FHAD1: variants seen among roughly 807,000 people sequenced by gnomAD.
The protein encoded by FHAD1 is forkhead associated phosphopeptide binding domain 1, also known as forkhead-associated domain-containing protein 1.
FHAD1 carries 146 observed loss-of-function variants against 191.3 expected under a neutral mutation model. The ratio of observed to expected loss-of-function variants is 0.76; its 90% CI spans 0.67 to 0.88. The LOEUF (loss-of-function observed/expected upper bound fraction) is 0.88. FHAD1 is among the 40% of genes least tolerant of loss of function. The pLI is 0.00. For missense variants in FHAD1, 1,635 were observed against 1,785.8 expected (o/e 0.92, Z 1.52); for synonymous variants, 616 against 672.3 (o/e 0.92, Z 1.29).
chr1:15,307,046 T>C (rs944928241), intron 6 of FHAD1, among the ~76,000 whole-genome samples: 8 of 152,026 alleles, frequency 5.3e-5, no homozygotes, highest in African/African-American at 1.9e-4. Flanking sequence ...GGGAGAGAGG[T>C]TGTACCCTGC....
chr1:15,378,268 G>A (rs1235077290), intron 28 of FHAD1, among the ~76,000 whole-genome samples: 1 of 152,110 alleles, frequency 6.6e-6, no homozygotes, highest in African/African-American at 2.4e-5. Context: ...CTGGGCGAAA[G>A]AGTGAAACTC....
intron 16 of FHAD1, among the ~76,000 whole-genome samples, chr1:15,344,050 C>A (rs1330700688): frequency 6.6e-6 from 1 of 152,174 alleles, no homozygotes; most frequent in African/African-American, 2.4e-5. Flanking sequence ...CTGAAAACCT[C>A]GGTGCACCCT....
intron 28 of FHAD1, among the ~76,000 whole-genome samples, chr1:15,380,078 G>A (rs959573743): frequency 3.9e-5 from 6 of 152,152 alleles, no homozygotes; most frequent in African/African-American, 1.4e-4. Flanking sequence ...AATAAAAGGA[G>A]GGGGGATGTT....
chr1:15,357,032 C>T (rs928606728), intron 20 of FHAD1, among the ~76,000 whole-genome samples: 3 of 152,062 alleles, frequency 2.0e-5, no homozygotes, highest in African/African-American at 7.2e-5. Context: ...AGCAGATGCC[C>T]GGCTGACCCA....
At chr1:15,246,282 C>A (rs538594026), upstream of FHAD1, among the ~76,000 whole-genome samples, 2 of 152,166 alleles carry the variant, frequency 1.3e-5, no homozygotes, top group African/African-American at 4.8e-5. Context: ...TCTTCCAACA[C>A]GTGGGGAGTG....
intron 10 of FHAD1, among the ~76,000 whole-genome samples, chr1:15,322,948 G>A (rs1350878268): frequency 6.6e-6 from 1 of 152,126 alleles, no homozygotes; most frequent in African/African-American, 2.4e-5. Flanking sequence ...CATGGCGGGA[G>A]GCGAAAGGCA....
rs532174986 is a variant in FHAD1 at position 15,289,527 on chromosome 1, G to A, written c.429G>A (p.Pro143=). 2.4e-5 allele frequency: 37 copies of A among 1,551,838 alleles called. No individual in the cohort carries two copies. The South Asian group carries it at 3.6e-4, about 15-fold the overall frequency. ...IPFHQGVQPA[P]MQRSWSQAFP... ...TCCACCAAGGTGTCCAGCCAGCACC[G>A]ATGCAAAGGAGCTGGTCCCAGGCCT... The change falls in exon 4 of 34, where the codon CCG becomes CCA. Residue 143 remains proline, a synonymous_variant. Coordinates refer to ENST00000688493, the MANE Select transcript of FHAD1 (RefSeq NM_001391957.1). The surrounding 1 kb of genome is among the most constrained non-coding windows in gnomAD (Gnocchi z 4.2).
In FHAD1 at chr1:15,316,253, G is replaced by A. The variant is rs974041988; in HGVS notation, c.1171-125G>A. 5.5e-6 allele frequency: 4 copies of A among 732,944 alleles called. No individual in the cohort carries two copies. Among genetic ancestry groups the A allele is most frequent in the South Asian group, 1.8e-5 (1 of 56,334 alleles). 45.4% of individuals were successfully genotyped at this position (732,944 alleles called of 1,614,324 possible). A position where few individuals can be genotyped will look rare whatever the true frequency, so the allele number is the denominator to read the frequency against. On this transcript the variant is annotated intron_variant, in intron 8 of 33. Transcript: ENST00000688493. This position sits in a 1 kb window ranked among gnomAD's most constrained non-coding sequence, Gnocchi z 4.3. ...GGGATGCCTTTTGGGATCTCAGTGC[G>A]TGACTGGATGGAAACAGCAGGAAAT...
Position 15,394,398 on chromosome 1 carries a change from T to A in FHAD1, c.4324-2899T>A, listed in dbSNP as rs551811791. Among the ~76,000 whole-genome samples the A allele has an allele frequency of 3.9e-5, 6 of 152,278 alleles. No homozygotes were observed. The East Asian group carries it at 1.2e-3, about 29-fold the overall frequency. ...TTATTGAAAATCAAATGAAAAGGAA[T>A]ATAAAGTAAGGGTTGTTTAGGGGGG... On this transcript the variant is annotated intron_variant, in intron 33 of 33. Transcript: ENST00000688493.
chr1:15,240,973 A>AG (rs1433609155), intron 1 of FHAD1, among the ~76,000 whole-genome samples: 817 of 77,734 alleles, frequency 0.011, 12 homozygotes, highest in African/African-American at 0.038. Context: ...AAAAAAAAAA[A>AG]AAAGAAAGAA....
chr1:15,303,864 G>A (rs1262257181), intron 6 of FHAD1, among the ~76,000 whole-genome samples: 271 of 142,974 alleles, frequency 1.9e-3, no homozygotes, highest in African/African-American at 6.7e-3. Context: ...AAAAAAAAAA[G>A]AAAGAAAGAA....
chr1:15,364,938 C>A (rs540843299), intron 23 of FHAD1, among the ~76,000 whole-genome samples: 1 of 152,216 alleles, frequency 6.6e-6, no homozygotes, highest in Admixed American at 6.5e-5. Context: ...GGGCACCAAA[C>A]GTGTGCTGCC....
chr1:15,340,879 G>A (rs572918488), intron 15 of FHAD1, among the ~76,000 whole-genome samples: 6 of 152,262 alleles, frequency 3.9e-5, no homozygotes, highest in Middle Eastern at 3.4e-3. Context: ...GCATGGCACT[G>A]TTCCAATAAA....
chr1:15,272,334 C>A lies in FHAD1; in HGVS notation c.105C>A (p.Ile35=), dbSNP rs769287042. Reference sequence around the variant, plus strand: ...CTTCTCCGTTGCAGTCTCCTGACATCGACAACCACCATGCACTCATTGAAT... The same window carrying A: ...CTTCTCCGTTGCAGTCTCCTGACATAGACAACCACCATGCACTCATTGAAT... The part of the protein sequence containing the change: ...NSDLVLQSPD[I]DNHHALIEYN... The change falls in exon 3 of 34, where the codon ATC becomes ATA. Residue 35 remains isoleucine (I), a synonymous_variant. Transcript: ENST00000688493. 4.5e-6 allele frequency: 7 copies of A among 1,549,968 alleles called. No individual in the cohort carries two copies. Among genetic ancestry groups the A allele is most frequent in the African/African-American group, 1.4e-5 (1 of 73,134 alleles).
chr1:15,329,714 A>AAC lies in FHAD1; in HGVS notation c.1906+181_1906+182dup. 2.1e-5 allele frequency: 12 copies of AAC among 566,400 alleles called. No homozygotes were observed. Among genetic ancestry groups the AAC allele is most frequent in the Admixed American group, 9.3e-5 (3 of 32,218 alleles). The allele number at this position is 566,400 out of a possible 1,614,324, so 35.1% of individuals were successfully genotyped here. On this transcript the variant is annotated intron_variant, in intron 14 of 33. Transcript: ENST00000688493. This position sits in a 1 kb window ranked among gnomAD's most constrained non-coding sequence, Gnocchi z 5.0. ...GGCGTAATTTTCCATTAAAAAAAAA[A>AAC]ACACACACATACAAGTGAGACACGA...
At chr1:15,383,998 A>ATGTGTG in intron 31 of FHAD1, 1 of 210,818 alleles carries the variant, frequency 4.7e-6, no homozygotes, top group South Asian at 4.1e-5. Context: ...GTACATTCTC[A>ATGTGTG]TGTGTGTGTG....
chr1:15,280,859 G>C (rs1391943497), intron 3 of FHAD1, among the ~76,000 whole-genome samples: 1 of 152,160 alleles, frequency 6.6e-6, no homozygotes, highest in African/African-American at 2.4e-5. Context: ...TAAGCTAGAA[G>C]GTTTACAAAG....
intron 24 of FHAD1, 41 bp from the exon 25 acceptor site, chr1:15,367,422 G>T: frequency 6.5e-7 from 1 of 1,539,476 alleles, no homozygotes; most frequent in Non-Finnish European, 8.8e-7. Flanking sequence ...CTTGAACCCG[G>T]GAGGCAGAGA....
intron 25 of FHAD1, 88 bp downstream of exon 25, chr1:15,367,710 T>A (rs1175465751): frequency 9.3e-7 from 1 of 1,074,144 alleles, no homozygotes; most frequent in Non-Finnish European, 1.3e-6. Flanking sequence ...CAGTACATGC[T>A]GCTTGAGGAG....
Sources: gnomAD v4.1 joint callset for allele counts (sites outside exome capture counted in the v4.1 genomes callset) on GRCh38, gnomAD v4.1.1 for gene constraint, Gnocchi (gnomAD v3.1) non-coding constraint, MANE v1.5 for transcripts, NCBI Gene and HGNC (gene_info 2026-07-23, HGNC 2026-07-21) for gene names.